PLEKHD1: variants seen among roughly 807,000 people sequenced by gnomAD.
The protein encoded by PLEKHD1 is pleckstrin homology and coiled-coil domain containing D1.
A neutral mutation model predicts 69.2 loss-of-function variants in PLEKHD1; 51 were observed. The observed-to-expected ratio is 0.74, with a 90% CI of 0.59 to 0.93. The LOEUF is 0.93. Among genes scored for constraint, PLEKHD1 ranks in the 40% least tolerant of loss-of-function variants. PLEKHD1 has a pLI of 0.00. For missense variants in PLEKHD1, 584 were observed against 641.0 expected (o/e 0.91, Z 0.96); for synonymous variants, 236 against 244.7 (o/e 0.96, Z 0.33).
rs370579974 is a variant in PLEKHD1, at chr14:69,500,810, G to T, written c.334-61G>T. On this transcript the variant is annotated intron_variant, in intron 3 of 12. Coordinates refer to ENST00000322564, the MANE Select transcript of PLEKHD1 (RefSeq NM_001161498.2). ...GGGGTGGGTGACAGGGCAGAGCTGGGCCTCCATCACCCTCAGCGTGGCTGC... is the reference window on the plus strand; with the variant it reads ...GGGGTGGGTGACAGGGCAGAGCTGGTCCTCCATCACCCTCAGCGTGGCTGC... 10 of 1,540,470 alleles carry T rather than the reference G, an allele frequency of 6.5e-6. No homozygotes were observed. The South Asian group carries it at 8.3e-5, about 13-fold the overall frequency.
chr14:69,482,551 C>T (rs1229305872), upstream of PLEKHD1, among the ~76,000 whole-genome samples: 2 of 152,194 alleles, frequency 1.3e-5, no homozygotes, highest in Non-Finnish European at 2.9e-5. Context: ...ACTAGGAGCC[C>T]ACCTCCCCAT....
rs116652888 is a variant in PLEKHD1, at chr14:69,494,085, T to C, written c.150-6030T>C. On this transcript the variant is annotated intron_variant, in intron 1 of 12. Coordinates refer to ENST00000322564, the MANE Select transcript of PLEKHD1 (RefSeq NM_001161498.2). ...GGTCAGGGGAGAGTGCAGCTTATTA[T>C]TACTGAGTCTGAACCCAATCATAAT... Among the ~76,000 whole-genome samples the C allele has an allele frequency of 5.4e-3, 822 of 152,336 alleles. 3 individuals carry two copies. The highest frequency in any genetic ancestry group is 0.014 in the Middle Eastern group (4 of 294).
Position 69,500,280 on chromosome 14 carries a change from G to A in PLEKHD1, c.243+72G>A, listed in dbSNP as rs1182058082. The stretch of plus-strand genomic sequence containing the variant: ...GGCATCAGAGCTTGCATCTTGTGAG[G>A]GGAGGGGACTGCGCTCTTGCTCTGG... On this transcript the variant is annotated intron_variant, in intron 2 of 12. Transcript: ENST00000322564. The A allele has an allele frequency of 1.0e-5, 13 of 1,250,410 alleles. No individual in the cohort carries two copies. The Admixed American group carries it at 2.3e-4, about 22-fold the overall frequency. The allele number at this position is 1,250,410 out of a possible 1,614,324, so 77.5% of individuals were successfully genotyped here. A position where few individuals can be genotyped will look rare whatever the true frequency, so the allele number is the denominator to read the frequency against.
chr14:69,506,256 C>T (rs949559704), intron 6 of PLEKHD1, among the ~76,000 whole-genome samples: 1 of 152,168 alleles, frequency 6.6e-6, no homozygotes, highest in Non-Finnish European at 1.5e-5. Flanking sequence ...GACTTTTTCT[C>T]ACCTTTATAC....
At chr14:69,513,861 T>C (rs1883324580) in intron 6 of PLEKHD1, among the ~76,000 whole-genome samples, 1 of 152,214 alleles carries the variant, frequency 6.6e-6, no homozygotes, top group African/African-American at 2.4e-5. Context: ...TTTTATAGGG[T>C]ACAGAATTCT....
chr14:69,470,582 G>C, the PLEKHD1 span, among the ~76,000 whole-genome samples: 1 of 152,120 alleles, frequency 6.6e-6, no homozygotes, highest in Non-Finnish European at 1.5e-5. Context: ...CTCTCCTGAA[G>C]AATGTATAAA....
chr14:69,526,745 G>A lies in PLEKHD1; in HGVS notation c.972G>A (p.Glu324=), dbSNP rs1271896031. The change falls in exon 10 of 13, where the codon GAG becomes GAA. Residue 324 remains glutamate, a synonymous_variant. Transcript: ENST00000322564. Reference sequence around the variant, plus strand: ...CACGGGCCCTGGAGGAGGAGCGTGAGTTCTACTCCAGCCAGTCCCAGGCAC... The same window carrying A: ...CACGGGCCCTGGAGGAGGAGCGTGAATTCTACTCCAGCCAGTCCCAGGCAC... The part of the protein sequence containing the change: ...ERSRALEEER[E]FYSSQSQALQ... 5 of 1,549,362 alleles carry A rather than the reference G, an allele frequency of 3.2e-6. No homozygotes were observed. Among genetic ancestry groups the A allele is most frequent in the Non-Finnish European group, 4.4e-6 (5 of 1,145,924 alleles).
chr14:69,501,120 G>A, intron 4 of PLEKHD1, 173 bp downstream of exon 4: 2 of 656,044 alleles, frequency 3.0e-6, no homozygotes, highest in East Asian at 2.7e-5. Flanking sequence ...TCTGTGAGGG[G>A]TCCCCTGAGT....
At position 69,525,682 on chromosome 14, in the gene PLEKHD1, A is replaced by G. The variant is rs61043967; in HGVS notation, c.745-262A>G. Among the ~76,000 whole-genome samples, 900 of 152,164 alleles carry G rather than the reference A, an allele frequency of 5.9e-3. 9 individuals carry two copies. The highest frequency in any genetic ancestry group is 0.021 in the African/African-American group (860 of 41,518). On this transcript the variant is annotated intron_variant, in intron 8 of 12. Coordinates refer to ENST00000322564, the MANE Select transcript of PLEKHD1 (RefSeq NM_001161498.2). ...CCTGGAGGAACCAGGACCCCAGAAG[A>G]TCATGCGACCCCGTTCTAGTAGGTG...
rs1594993334 is a variant in PLEKHD1, at chr14:69,524,100, G to A, written c.651-129G>A. 5.7e-6 allele frequency: 4 copies of A among 697,720 alleles called. No homozygotes were observed. The East Asian group carries it at 1.1e-4, about 19-fold the overall frequency. The allele number at this position is 697,720 out of a possible 1,614,324, so 43.2% of individuals were successfully genotyped here. A position where few individuals can be genotyped will look rare whatever the true frequency, so the allele number is the denominator to read the frequency against. On this transcript the variant is annotated intron_variant, in intron 7 of 12. Coordinates refer to ENST00000322564, the MANE Select transcript of PLEKHD1 (RefSeq NM_001161498.2). ...TGCTGTCAGGGCCCAGCTGTGCAGA[G>A]GGGCTGGCCATTCAAGAGCCCTCCT...
At chr14:69,510,216 G>T (rs1025847953) in intron 6 of PLEKHD1, among the ~76,000 whole-genome samples, 1 of 152,072 alleles carries the variant, frequency 6.6e-6, no homozygotes, top group Non-Finnish European at 1.5e-5. Flanking sequence ...GAATCAATTT[G>T]TCAGTTTCCA....
intron 1 of PLEKHD1, among the ~76,000 whole-genome samples, chr14:69,493,068 A>G (rs1882812934): frequency 6.6e-6 from 1 of 152,198 alleles, no homozygotes; most frequent in Non-Finnish European, 1.5e-5. Flanking sequence ...CACCCGGCCA[A>G]TATTAGCTAT....
At chr14:69,512,144 T>G (rs2139517324) in intron 6 of PLEKHD1, among the ~76,000 whole-genome samples, 1 of 152,356 alleles carries the variant, frequency 6.6e-6, no homozygotes, top group South Asian at 2.1e-4. Context: ...TTCAAGGAGT[T>G]GGTCCATTTC....
chr14:69,490,408 A>T (rs1288448619), intron 1 of PLEKHD1, among the ~76,000 whole-genome samples: 1 of 152,238 alleles, frequency 6.6e-6, no homozygotes, highest in African/African-American at 2.4e-5. Flanking sequence ...AATGCCAGCC[A>T]CGGGGAGAAG....
chr14:69,508,912 C>A (rs994356043), intron 6 of PLEKHD1, among the ~76,000 whole-genome samples: 2 of 152,180 alleles, frequency 1.3e-5, no homozygotes, highest in Non-Finnish European at 2.9e-5. Context: ...CCTCAGTAAG[C>A]CTTTTGGTGG....
At chr14:69,500,691 T>C (rs974602844) in intron 3 of PLEKHD1, 25 bp downstream of exon 3, 1 of 1,548,306 alleles carries the variant, frequency 6.5e-7, no homozygotes, top group Admixed American at 2.0e-5. Flanking sequence ...TCCCTCAGCC[T>C]GGGCTCCGCA....
chr14:69,526,156 ACT>A, intron 9 of PLEKHD1, 34 bp downstream of exon 9: 1 of 1,524,892 alleles, frequency 6.6e-7, no homozygotes, highest in Non-Finnish European at 8.8e-7. Context: ...GACACCATTG[ACT>A]TTGGGGTCTG....
chr14:69,514,518 T>A (rs969979998), intron 6 of PLEKHD1, among the ~76,000 whole-genome samples: 10 of 151,838 alleles, frequency 6.6e-5, no homozygotes, highest in African/African-American at 1.9e-4. Context: ...TTAATCTTAG[T>A]TTGCGTTTAA....
At chr14:69,485,346 C>A (rs1037581679) in intron 1 of PLEKHD1, among the ~76,000 whole-genome samples, 5 of 152,252 alleles carry the variant, frequency 3.3e-5, no homozygotes, top group African/African-American at 1.2e-4. Context: ...TGGAATGAAC[C>A]TGACCCTCGA....
Sources: allele counts gnomAD v4.1 joint callset (sites outside exome capture counted in the v4.1 genomes callset), GRCh38; gene constraint gnomAD v4.1.1; transcripts MANE v1.5; gene names NCBI Gene and HGNC (gene_info 2026-07-23, HGNC 2026-07-21).